KHDRBS2: variants seen among roughly 807,000 people sequenced by gnomAD.
KHDRBS2 encodes KH domain-containing, RNA-binding, signal transduction-associated protein 2.
A neutral mutation model predicts 44.3 loss-of-function variants in KHDRBS2; 26 were observed. The observed-to-expected ratio is 0.59, with a 90% CI of 0.43 to 0.81. The LOEUF (loss-of-function observed/expected upper bound fraction) is 0.81, where lower values mean the gene tolerates loss of function less well. Among genes scored for constraint, KHDRBS2 ranks in the 40% least tolerant of loss-of-function variants. The pLI is 0.00. For missense variants in KHDRBS2, 476 were observed against 433.1 expected, an observed-to-expected ratio of 1.10 and a Z score of -0.88; for synonymous variants, 194 against 151.1, an observed-to-expected ratio of 1.28 and a Z score of -2.08.
chr6:61,866,172 C>T (rs1797762855), intron 6 of KHDRBS2, among the ~76,000 whole-genome samples: 1 of 152,224 alleles, frequency 6.6e-6, no homozygotes, highest in African/African-American at 2.4e-5. Context: ...ATTTCCCTTC[C>T]ACACTGCCTT....
At chr6:61,768,893 T>A (rs1677553428) in intron 6 of KHDRBS2, among the ~76,000 whole-genome samples, 1 of 152,066 alleles carries the variant, frequency 6.6e-6, no homozygotes, top group Admixed American at 6.6e-5. Flanking sequence ...ATTGGTGGAG[T>A]GTTCTATTCA....
At chr6:61,657,920 T>C in the KHDRBS2 span, among the ~76,000 whole-genome samples, 1 of 151,930 alleles carries the variant, frequency 6.6e-6, no homozygotes, top group Non-Finnish European at 1.5e-5. Flanking sequence ...AACAAATAGA[T>C]GAACAAACCA....
At chr6:61,562,799 C>A in the KHDRBS2 span, among the ~76,000 whole-genome samples, 1 of 152,138 alleles carries the variant, frequency 6.6e-6, no homozygotes, top group Admixed American at 6.6e-5. Context: ...AGCCACATAG[C>A]TAACACAGAT....
At chr6:61,596,961 T>G in the KHDRBS2 span, among the ~76,000 whole-genome samples, 2 of 152,110 alleles carry the variant, frequency 1.3e-5, no homozygotes, top group African/African-American at 4.8e-5. Context: ...CATTTGTACT[T>G]CCAAAGGGAT....
At chr6:61,638,351 C>T in the KHDRBS2 span, among the ~76,000 whole-genome samples, 16 of 151,936 alleles carry the variant, frequency 1.1e-4, no homozygotes, top group East Asian at 5.8e-4. Flanking sequence ...GAAATAATGC[C>T]GCATATCTAC....
At chr6:62,066,803 G>T (rs1475725667) in intron 2 of KHDRBS2, among the ~76,000 whole-genome samples, 1 of 151,488 alleles carries the variant, frequency 6.6e-6, no homozygotes. Context: ...ATTTCCAAGT[G>T]AAACATTTTA....
chr6:61,762,632 G>C (rs1387199495), intron 6 of KHDRBS2, among the ~76,000 whole-genome samples: 1 of 152,180 alleles, frequency 6.6e-6, no homozygotes, highest in Non-Finnish European at 1.5e-5. Flanking sequence ...AGCAGCCTGA[G>C]GCTTTCACCA....
chr6:62,196,491 G>A (rs1490930049), intron 1 of KHDRBS2, among the ~76,000 whole-genome samples: 7 of 152,054 alleles, frequency 4.6e-5, no homozygotes, highest in African/African-American at 1.7e-4. Context: ...ATTTGTGTGG[G>A]CATCCATTCC....
intron 4 of KHDRBS2, among the ~76,000 whole-genome samples, chr6:61,939,302 C>A (rs1298574206): frequency 3.3e-5 from 5 of 152,240 alleles, no homozygotes; most frequent in African/African-American, 1.2e-4. Flanking sequence ...AAACAATCCA[C>A]TGTAACCTGC....
At chr6:61,813,736 A>G (rs1788477842) in intron 6 of KHDRBS2, among the ~76,000 whole-genome samples, 1 of 152,158 alleles carries the variant, frequency 6.6e-6, no homozygotes, top group Admixed American at 6.6e-5. Flanking sequence ...CTTTATCAAT[A>G]TTAATATAGT....
chr6:62,198,472 A>G (rs1826166718), intron 1 of KHDRBS2, among the ~76,000 whole-genome samples: 2 of 152,168 alleles, frequency 1.3e-5, no homozygotes, highest in Admixed American at 1.3e-4. Context: ...ACGCAAATAA[A>G]CTAGAAAATC....
intron 6 of KHDRBS2, among the ~76,000 whole-genome samples, chr6:61,888,615 G>A (rs1404436083): frequency 3.5e-5 from 5 of 144,306 alleles, no homozygotes; most frequent in African/African-American, 1.3e-4. Flanking sequence ...AGGCTGGAGT[G>A]CAGTGGCGCG....
intron 2 of KHDRBS2, among the ~76,000 whole-genome samples, chr6:62,059,882 A>C (rs1291936172): frequency 3.9e-5 from 6 of 151,918 alleles, no homozygotes; most frequent in African/African-American, 1.4e-4. Flanking sequence ...AAATTTAAAA[A>C]AACAAGGGAA....
the KHDRBS2 span, among the ~76,000 whole-genome samples, chr6:61,657,892 A>G: frequency 6.6e-6 from 1 of 152,010 alleles, no homozygotes; most frequent in Non-Finnish European, 1.5e-5. Context: ...TTGTCAGAAC[A>G]TTGGTTCTGG....
At chr6:61,595,226 T>C in the KHDRBS2 span, among the ~76,000 whole-genome samples, 1 of 152,120 alleles carries the variant, frequency 6.6e-6, no homozygotes, top group Non-Finnish European at 1.5e-5. Flanking sequence ...TAGGTATCTA[T>C]AAAAAGAAAG....
chr6:61,756,314 T>C (rs538118677), intron 6 of KHDRBS2, among the ~76,000 whole-genome samples: 5 of 152,184 alleles, frequency 3.3e-5, no homozygotes, highest in Non-Finnish European at 5.9e-5. Flanking sequence ...TTGAGTACAG[T>C]GGCACGATCT....
At chr6:62,164,327 C>T (rs1022312338) in intron 2 of KHDRBS2, among the ~76,000 whole-genome samples, 4 of 151,888 alleles carry the variant, frequency 2.6e-5, no homozygotes, top group Middle Eastern at 3.4e-3. Flanking sequence ...ATAAGGTATT[C>T]GGCATATAGA....
chr6:61,709,317 G>A (rs559358027), intron 7 of KHDRBS2, among the ~76,000 whole-genome samples: 2 of 151,608 alleles, frequency 1.3e-5, no homozygotes, highest in African/African-American at 2.4e-5. Flanking sequence ...TATTCATGAG[G>A]ACAGTGACAT....
intron 6 of KHDRBS2, among the ~76,000 whole-genome samples, chr6:61,787,030 T>A (rs187513697): frequency 6.7e-6 from 1 of 148,630 alleles, no homozygotes. Context: ...TATAATGTAG[T>A]TTATAATATT....
Sources: gnomAD v4.1 joint callset for allele counts (sites outside exome capture counted in the v4.1 genomes callset) on GRCh38, gnomAD v4.1.1 for gene constraint, MANE v1.5 for transcripts, NCBI Gene and HGNC (gene_info 2026-07-23, HGNC 2026-07-21) for gene names.